Variants in ATRN observed in about 807,000 individuals in gnomAD.
ATRN encodes the protein attractin, also known as attractin-2.
ATRN carries 54 observed loss-of-function variants against 178.7 expected under a neutral mutation model. That is an observed-to-expected ratio of 0.30 (90% CI 0.24 to 0.38). The LOEUF (loss-of-function observed/expected upper bound fraction) is 0.38, where lower values mean the gene tolerates loss of function less well. ATRN is among the 10% of genes least tolerant of loss of function. The pLI is 1.00. For synonymous variants in ATRN, 636 were observed against 663.0 expected (o/e 0.96, Z 0.63); for missense variants, 1,443 against 1,815.1 (o/e 0.79, Z 3.73).
At chr20:3,606,563 C>T (rs557083863) in intron 24 of ATRN, among the ~76,000 whole-genome samples, 7 of 152,288 alleles carry the variant, frequency 4.6e-5, no homozygotes, top group African/African-American at 7.2e-5. Context: ...TCCCTGCGTT[C>T]GGTGCATATT....
At chr20:3,575,724 C>A (rs1354644674) in intron 12 of ATRN, 103 bp from the exon 13 acceptor site, 3 of 1,300,250 alleles carry the variant, frequency 2.3e-6, no homozygotes, top group Non-Finnish European at 1.0e-6. Flanking sequence ...TTTCATTCTT[C>A]ATTTTACTTC....
At chr20:3,494,271 T>A (rs534735206) in intron 1 of ATRN, among the ~76,000 whole-genome samples, 1 of 152,314 alleles carries the variant, frequency 6.6e-6, no homozygotes, top group East Asian at 1.9e-4. Flanking sequence ...TATGGTCTGC[T>A]CAGTCTGGGG....
intron 24 of ATRN, among the ~76,000 whole-genome samples, chr20:3,612,109 C>T (rs961725649): frequency 6.6e-6 from 1 of 152,098 alleles, no homozygotes; most frequent in African/African-American, 2.4e-5. Flanking sequence ...TGGAAACAAG[C>T]CAAATATTCC....
chr20:3,555,277 A>C (rs2085860342), intron 6 of ATRN, among the ~76,000 whole-genome samples: 1 of 152,026 alleles, frequency 6.6e-6, no homozygotes, highest in Non-Finnish European at 1.5e-5. Context: ...TGCTGGGATT[A>C]CAGGCGTGAG....
At chr20:3,501,253 A>G (rs1183972130) in intron 1 of ATRN, among the ~76,000 whole-genome samples, 1 of 152,214 alleles carries the variant, frequency 6.6e-6, no homozygotes, top group African/African-American at 2.4e-5. Flanking sequence ...TATTGGGACC[A>G]TAAATTTGAG....
chr20:3,575,691 T>TA, intron 12 of ATRN, 136 bp from the exon 13 acceptor site: 1 of 974,548 alleles, frequency 1.0e-6, no homozygotes, highest in South Asian at 1.8e-5. Context: ...AACCAGAACA[T>TA]ACCAAATATA....
At chr20:3,549,405 T>G in intron 6 of ATRN, 67 bp downstream of exon 6, 1 of 1,326,874 alleles carries the variant, frequency 7.5e-7, no homozygotes, top group Non-Finnish European at 1.0e-6. Flanking sequence ...AAAGCACAGA[T>G]AAGCAAAAAT....
intron 1 of ATRN, among the ~76,000 whole-genome samples, chr20:3,478,523 C>G (rs1599996481): frequency 6.6e-6 from 1 of 152,036 alleles, no homozygotes; most frequent in South Asian, 2.1e-4. Flanking sequence ...ACATCACACA[C>G]TGGGGCTTTC....
Position 3,562,317 on chromosome 20 carries a change from G to A in ATRN, c.1489G>A (p.Val497Met). 1.2e-6 allele frequency: 2 copies of A among 1,614,054 alleles called. No individual in the cohort carries two copies. The highest frequency in any genetic ancestry group is 1.7e-6 in the Non-Finnish European group (2 of 1,179,964). ...TATATTACACACCCAGGGTGCCCTT[G>A]TGCAAGGGGGTTACGGCCATAGCAG... Reference protein sequence around the residue: ...WSILHTQGALVQGGYGHSSVY... With the variant: ...WSILHTQGALMQGGYGHSSVY... The change falls in exon 9 of 29, where the codon GTG (valine) becomes ATG (methionine). Residue 497 changes from valine (V) to methionine (M), a missense_variant. By Grantham distance (21) the Val-to-Met change is conservative. Coordinates refer to ENST00000262919, the MANE Select transcript of ATRN (RefSeq NM_139321.3).
chr20:3,594,254 C>G lies in ATRN; in HGVS notation c.3323-225C>G, dbSNP rs555649040. Among the ~76,000 whole-genome samples, 114 of 152,306 alleles carry G rather than the reference C, an allele frequency of 7.5e-4. 1 individual carries two copies. Among genetic ancestry groups the G allele is most frequent in the African/African-American group, 2.6e-3 (109 of 41,572 alleles). ...TCATTGCTTCAGAAGGCAGTGGGTACCAGCATTCACTTTCCTCCTGTCCTT... is the reference window on the plus strand; with the variant it reads ...TCATTGCTTCAGAAGGCAGTGGGTAGCAGCATTCACTTTCCTCCTGTCCTT... On this transcript the variant is annotated intron_variant, in intron 19 of 28. Transcript: ENST00000262919.
intron 3 of ATRN, among the ~76,000 whole-genome samples, chr20:3,540,883 A>G (rs1166786501): frequency 1.3e-5 from 2 of 152,148 alleles, no homozygotes; most frequent in Non-Finnish European, 1.5e-5. Flanking sequence ...CTTATTATAT[A>G]TATTTTTTTT....
chr20:3,472,094 C>T (rs1169008544), intron 1 of ATRN, among the ~76,000 whole-genome samples: 2 of 152,162 alleles, frequency 1.3e-5, no homozygotes, highest in Non-Finnish European at 2.9e-5. Flanking sequence ...GGCAAAAGCT[C>T]CCTGGAGGTG....
At position 3,589,952 on chromosome 20, in the gene ATRN, C is replaced by T. The variant is rs546769227; in HGVS notation, c.3185-1217C>T. On this transcript the variant is annotated intron_variant, in intron 18 of 28. Coordinates refer to ENST00000262919, the MANE Select transcript of ATRN (RefSeq NM_139321.3). ...GTTTTCTTTCATTCTTGCTTGCTTG[C>T]TTGCTTTTATTTTTGAGATGGAGTT... Among the ~76,000 whole-genome samples, 127 of 152,238 alleles carry T rather than the reference C, an allele frequency of 8.3e-4. No individual in the cohort carries two copies. In the Middle Eastern group the frequency reaches 0.01, roughly 12 times the overall value.
At chr20:3,609,120 G>A (rs1408612670) in intron 24 of ATRN, among the ~76,000 whole-genome samples, 9 of 151,888 alleles carry the variant, frequency 5.9e-5, no homozygotes, top group Non-Finnish European at 2.9e-5. Flanking sequence ...TTGGTAGTAT[G>A]GTTTTTTTCA....
chr20:3,604,352 G>A, intron 24 of ATRN, 90 bp downstream of exon 24: 1 of 1,411,506 alleles, frequency 7.1e-7, no homozygotes. Context: ...TGTGGTAAAT[G>A]AGATGTGCAA....
At chr20:3,549,520 C>T (rs757275611) in intron 6 of ATRN, among the ~76,000 whole-genome samples, 182 bp downstream of exon 6, 5 of 152,122 alleles carry the variant, frequency 3.3e-5, no homozygotes, top group Non-Finnish European at 5.9e-5. Flanking sequence ...TTGAATGCTA[C>T]AAAAAATTCA....
At chr20:3,563,153 A>G (rs1568731721) in intron 9 of ATRN, 56 bp from the exon 10 acceptor site, 2 of 1,495,136 alleles carry the variant, frequency 1.3e-6, no homozygotes, top group Non-Finnish European at 1.8e-6. Flanking sequence ...TAGCAGATAC[A>G]TAAATATTCT....
chr20:3,602,051 G>C (rs1174931143), intron 23 of ATRN, among the ~76,000 whole-genome samples: 2 of 152,084 alleles, frequency 1.3e-5, no homozygotes, highest in African/African-American at 4.8e-5. Context: ...CGTCCTGGCA[G>C]GGCGTGATAG....
rs574726206 is a variant in ATRN, at chr20:3,560,228, A to G, written c.1204-434A>G. 2.6e-5 allele frequency among the ~76,000 whole-genome samples: 4 copies of G among 152,184 alleles called. No individual in the cohort carries two copies. The South Asian group carries it at 6.2e-4, about 24-fold the overall frequency. On this transcript the variant is annotated intron_variant, in intron 7 of 28. Transcript: ENST00000262919. Reference sequence around the variant, plus strand: ...AGATCCACTTTTTTAGTTCCCACATATGATTGATAATGTGATATTTGTCTC... The same window carrying G: ...AGATCCACTTTTTTAGTTCCCACATGTGATTGATAATGTGATATTTGTCTC...
Sources: gnomAD v4.1 joint callset for allele counts (sites outside exome capture counted in the v4.1 genomes callset) on GRCh38, gnomAD v4.1.1 for gene constraint, MANE v1.5 for transcripts, NCBI Gene and HGNC (gene_info 2026-07-23, HGNC 2026-07-21) for gene names.